The following PHKB variants were observed in gnomAD, a reference collection of about 807,000 sequenced individuals.
PHKB encodes phosphorylase b kinase regulatory subunit beta.
PHKB carries 122 observed loss-of-function variants against 152.1 expected under a neutral mutation model. The ratio of observed to expected loss-of-function variants is 0.80; its 90% CI spans 0.69 to 0.93. The LOEUF (loss-of-function observed/expected upper bound fraction) is 0.93, where lower values mean the gene tolerates loss of function less well. Among genes scored for constraint, PHKB ranks in the 40% least tolerant of loss-of-function variants. The pLI is 0.00. For missense variants in PHKB, 1,304 were observed against 1,328.4 expected, an observed-to-expected ratio of 0.98 and a Z score of 0.29; for synonymous variants, 436 against 464.9, an observed-to-expected ratio of 0.94 and a Z score of 0.80.
At chr16:47,589,639 G>A (rs905534670) in intron 10 of PHKB, among the ~76,000 whole-genome samples, 3 of 151,870 alleles carry the variant, frequency 2.0e-5, no homozygotes, top group African/African-American at 7.3e-5. Flanking sequence ...AAAATATTTT[G>A]TATTTCAAAA....
chr16:47,700,767 T>TA lies in PHKB; in HGVS notation c.*1407dup, dbSNP rs896294090. ...CACCTGAGAAGATAGATTTGTCACATAAAAAATGCAGCTTATTTGTAGTGT... is the reference window on the plus strand; with the variant it reads ...CACCTGAGAAGATAGATTTGTCACATAAAAAAATGCAGCTTATTTGTAGTGT... On this transcript the variant is annotated 3_prime_UTR_variant, in exon 31 of 31. Transcript: ENST00000323584. 3 of 152,154 alleles carry TA rather than the reference T, an allele frequency of 2.0e-5. No homozygotes were observed. The highest frequency in any genetic ancestry group is 1.9e-4 in the East Asian group (1 of 5,200). 9.4% of individuals were successfully genotyped at this position (152,154 alleles called of 1,614,324 possible).
intron 14 of PHKB, among the ~76,000 whole-genome samples, chr16:47,620,009 A>G (rs1414375481): frequency 6.6e-6 from 1 of 152,246 alleles, no homozygotes; most frequent in African/African-American, 2.4e-5. Flanking sequence ...TTAAATAGGA[A>G]AATACACCTA....
chr16:47,581,991 C>G (rs910562420), intron 8 of PHKB, among the ~76,000 whole-genome samples: 2 of 152,044 alleles, frequency 1.3e-5, no homozygotes, highest in Admixed American at 1.3e-4. Flanking sequence ...ACTCTTGTTG[C>G]TATTATTTAT....
intron 26 of PHKB, among the ~76,000 whole-genome samples, chr16:47,680,981 A>C (rs1973842579): frequency 6.6e-6 from 1 of 152,010 alleles, no homozygotes; most frequent in Non-Finnish European, 1.5e-5. Flanking sequence ...CTTTGTTCTC[A>C]TTGGTTTTAA....
At chr16:47,613,670 A>G (rs1972467123) in intron 14 of PHKB, among the ~76,000 whole-genome samples, 1 of 152,118 alleles carries the variant, frequency 6.6e-6, no homozygotes, top group African/African-American at 2.4e-5. Context: ...AATTTTGTGT[A>G]ATTTTGTGTA....
chr16:47,566,873 C>T, intron 7 of PHKB: 1 of 697,996 alleles, frequency 1.4e-6, no homozygotes, highest in Middle Eastern at 4.1e-4. Context: ...CCTTCTTATT[C>T]TTCTTTTTTG....
At chr16:47,605,740 A>G (rs1372275055) in intron 13 of PHKB, among the ~76,000 whole-genome samples, 1 of 152,118 alleles carries the variant, frequency 6.6e-6, no homozygotes, top group Non-Finnish European at 1.5e-5. Flanking sequence ...GAGAGAAAGG[A>G]GAACATTTGT....
intron 13 of PHKB, among the ~76,000 whole-genome samples, chr16:47,599,578 C>G (rs546249605): frequency 2.0e-5 from 3 of 152,206 alleles, no homozygotes. Flanking sequence ...CATATTAAGA[C>G]CAGAGTGAAC....
intron 26 of PHKB, among the ~76,000 whole-genome samples, chr16:47,674,113 T>C (rs1242217761): frequency 6.6e-6 from 1 of 152,218 alleles, no homozygotes; most frequent in Non-Finnish European, 1.5e-5. Context: ...ATCCATATTG[T>C]ATTCAAGTTC....
intron 14 of PHKB, among the ~76,000 whole-genome samples, chr16:47,637,608 TGAA>T (rs1972944325): frequency 6.6e-6 from 1 of 152,032 alleles, no homozygotes; most frequent in Non-Finnish European, 1.5e-5. Context: ...ATGAATAGAA[TGAA>T]TATGTGACCA....
In PHKB at chr16:47,648,526, C is replaced by T. The variant is rs555263609; in HGVS notation, c.1609-7C>T. The stretch of plus-strand genomic sequence containing the variant: ...CTGACTCTAATTTACAAACTTGTGT[C>T]TTACAGGCTTATTTGCAGCTGGGTA... On this transcript the variant is annotated splice_polypyrimidine_tract_variant and splice_region_variant and intron_variant, in intron 16 of 30. Coordinates refer to ENST00000323584, the MANE Select transcript of PHKB (RefSeq NM_000293.3). 6.2e-7 allele frequency: 1 copy of T among 1,601,884 alleles called. No homozygotes were observed. Among genetic ancestry groups the T allele is most frequent in the South Asian group, 1.1e-5 (1 of 90,824 alleles).
Position 47,543,706 on chromosome 16 carries a change from G to C in PHKB, c.595-3727G>C, listed in dbSNP as rs1054931405. Among the ~76,000 whole-genome samples the C allele has an allele frequency of 3.3e-5, 5 of 152,014 alleles. No homozygotes were observed. The South Asian group carries it at 8.3e-4, about 25-fold the overall frequency. On this transcript the variant is annotated intron_variant, in intron 6 of 30. Coordinates refer to ENST00000323584, the MANE Select transcript of PHKB (RefSeq NM_000293.3). ...TATTATTGATCTATTCAGCTATTCAGCTTCTTCCTGGTTTAGTCATGGGAG... is the reference window on the plus strand; with the variant it reads ...TATTATTGATCTATTCAGCTATTCACCTTCTTCCTGGTTTAGTCATGGGAG...
Position 47,461,422 on chromosome 16 carries a change from C to T in PHKB, c.72C>T (p.Arg24=), listed in dbSNP as rs1467822398. 13 of 1,613,288 alleles carry T rather than the reference C, an allele frequency of 8.1e-6. No individual in the cohort carries two copies. Among genetic ancestry groups the T allele is most frequent in the Admixed American group, 1.7e-5 (1 of 60,016 alleles). ...KVLERRARTK[R]SGSVYEPLKS... ...TGGAGCGAAGAGCTCGGACCAAGCG[C>T]TCAGGTTTGGCTGGCTGGGGCGCCG... Residue 24 remains arginine (R), a synonymous_variant, in exon 1 of 31, where the codon CGC becomes CGT. Coordinates refer to ENST00000323584, the MANE Select transcript of PHKB (RefSeq NM_000293.3).
At chr16:47,582,865 C>T (rs956196332) in intron 8 of PHKB, among the ~76,000 whole-genome samples, 3 of 152,162 alleles carry the variant, frequency 2.0e-5, no homozygotes, top group Non-Finnish European at 2.9e-5. Flanking sequence ...GGCACGATCT[C>T]GGCTCACTGC....
chr16:47,611,216 A>G (rs1178644245), intron 14 of PHKB, among the ~76,000 whole-genome samples: 2 of 152,192 alleles, frequency 1.3e-5, no homozygotes, highest in African/African-American at 2.4e-5. Flanking sequence ...AGGAGGACCA[A>G]TGACTGAAGG....
chr16:47,486,632 G>A (rs1237627097), intron 1 of PHKB, among the ~76,000 whole-genome samples: 5 of 152,022 alleles, frequency 3.3e-5, no homozygotes, highest in South Asian at 2.1e-4. Flanking sequence ...TGCCTACCCC[G>A]TCTGCAACCT....
rs552499737 is a variant in PHKB, at chr16:47,684,635, C to T, written c.2631-4406C>T. ...ACAAAAAATTAGCTGGGCGTAGTAG[C>T]GGGCGCCTGTAGTCCCAGCTACTCG... On this transcript the variant is annotated intron_variant, in intron 26 of 30. Transcript: ENST00000323584. Among the ~76,000 whole-genome samples the T allele has an allele frequency of 4.7e-4, 71 of 151,472 alleles. 1 individual carries two copies. The highest frequency in any genetic ancestry group is 1.5e-3 in the African/African-American group (62 of 41,282).
intron 26 of PHKB, among the ~76,000 whole-genome samples, chr16:47,674,147 A>G (rs1305642167): frequency 6.6e-6 from 1 of 150,662 alleles, no homozygotes; most frequent in Non-Finnish European, 1.5e-5. Flanking sequence ...GATGTGCCAG[A>G]TGCCAGATTT....
chr16:47,631,698 A>G (rs536586348), intron 14 of PHKB, among the ~76,000 whole-genome samples: 5 of 152,110 alleles, frequency 3.3e-5, no homozygotes. Flanking sequence ...CTCATTGTTC[A>G]ACTCCCGCTT....
Sources: allele counts gnomAD v4.1 joint callset (sites outside exome capture counted in the v4.1 genomes callset), GRCh38; gene constraint gnomAD v4.1.1; transcripts MANE v1.5; gene names NCBI Gene and HGNC (gene_info 2026-07-23, HGNC 2026-07-21).